The following SIGLEC11 variants were observed in gnomAD, a reference collection of about 807,000 sequenced individuals.
SIGLEC11 encodes sialic acid binding Ig like lectin 11.
Under a neutral mutation model 61.2 loss-of-function variants are expected in SIGLEC11, and 47 were observed. The ratio of observed to expected loss-of-function variants is 0.77; its 90% CI spans 0.61 to 0.98. The LOEUF (loss-of-function observed/expected upper bound fraction) is 0.98, where lower values mean the gene tolerates loss of function less well. Ranked by LOEUF, SIGLEC11 falls within the 50% of genes least tolerant of loss-of-function variation. The pLI, the probability that SIGLEC11 is intolerant of heterozygous loss-of-function variation, is 0.00. For missense variants in SIGLEC11, 610 were observed against 870.3 expected, an observed-to-expected ratio of 0.70 and a Z score of 3.76; for synonymous variants, 278 against 373.1, an observed-to-expected ratio of 0.75 and a Z score of 2.94.
At position 49,949,804 on chromosome 19, in the gene SIGLEC11, TGGACTCTGGCCTGGA is replaced by T. The variant is rs895252130; in HGVS notation, c.*151_*165del. The T allele has an allele frequency of 1.6e-4, 104 of 639,418 alleles. No homozygotes were observed. In the African/African-American group the frequency reaches 1.8e-3, roughly 11 times the overall value. 39.6% of individuals were successfully genotyped at this position (639,418 alleles called of 1,614,324 possible). ...CTACAGTGAGCTGAGATTGCACCACTGGACTCTGGCCTGGAGGACAGAGTCAGACCCTGTCTCAAA... is the reference window on the plus strand; with the variant it reads ...CTACAGTGAGCTGAGATTGCACCACTGGACAGAGTCAGACCCTGTCTCAAA... On this transcript the variant is annotated 3_prime_UTR_variant, in exon 11 of 11. Transcript: ENST00000447370.
intron 9 of SIGLEC11, 119 bp from the exon 10 acceptor site, chr19:49,952,091 C>T (rs1398414116): frequency 8.9e-7 from 1 of 1,123,936 alleles, no homozygotes; most frequent in East Asian, 2.6e-5. Flanking sequence ...GGGGACATAT[C>T]CACGGGGTGA....
chr19:49,952,460 A>T, intron 8 of SIGLEC11, 66 bp from the exon 9 acceptor site: 1 of 1,197,656 alleles, frequency 8.3e-7, no homozygotes, highest in Non-Finnish European at 1.2e-6. Context: ...CCTTCCTCCC[A>T]CAGACCTAGA....
intron 8 of SIGLEC11, among the ~76,000 whole-genome samples, chr19:49,953,553 TGAA>T (rs1329717289): frequency 6.6e-6 from 1 of 152,178 alleles, no homozygotes; most frequent in Non-Finnish European, 1.5e-5. Context: ...AGTGTGTAAA[TGAA>T]GAAGCCTTAT....
rs2076222219 is a variant in SIGLEC11, at chr19:49,959,087, A to T, written c.1058-10T>A. The T allele has an allele frequency of 6.2e-7, 1 of 1,613,702 alleles. No homozygotes were observed. On this transcript the variant is annotated splice_polypyrimidine_tract_variant and intron_variant, in intron 5 of 10. Transcript: ENST00000447370. ...AGGTTCTCTGGAGGATCTGAAATGGAGACAGGGGACCGGCTCTAGACAGAC... is the reference window on the plus strand; with the variant it reads ...AGGTTCTCTGGAGGATCTGAAATGGTGACAGGGGACCGGCTCTAGACAGAC...
rs866479726 is a variant in SIGLEC11 at position 49,951,696 on chromosome 19, G to A, written c.1830+195C>T. On this transcript the variant is annotated intron_variant, in intron 10 of 10. Coordinates refer to ENST00000447370, the MANE Select transcript of SIGLEC11 (RefSeq NM_052884.3). The surrounding 1 kb of genome is among the most constrained non-coding windows in gnomAD (Gnocchi z 4.6). ...TATGGACAGGCCTGGGGGGCCCTTG[G>A]TTCTGGGAGGGGATGTAGGGAGCAG... Among the ~76,000 whole-genome samples the A allele has an allele frequency of 1.7e-4, 26 of 152,102 alleles. No homozygotes were observed. The highest frequency in any genetic ancestry group is 5.8e-4 in the African/African-American group (24 of 41,404).
rs1032976622 is a variant in SIGLEC11 at position 49,955,189 on chromosome 19, C to T, written c.1652-2795G>A. On this transcript the variant is annotated intron_variant, in intron 8 of 10. Transcript: ENST00000447370. This position sits in a 1 kb window ranked among gnomAD's most constrained non-coding sequence, Gnocchi z 4.5. ...CATGAACCATGACCAGAGAACAAAA[C>T]GGGAAAGAGCGAAAGCAACAAGCGA... Among the ~76,000 whole-genome samples the T allele has an allele frequency of 2.0e-5, 3 of 151,522 alleles. No individual in the cohort carries two copies. Among genetic ancestry groups the T allele is most frequent in the African/African-American group, 7.3e-5 (3 of 41,168 alleles).
intron 8 of SIGLEC11, among the ~76,000 whole-genome samples, chr19:49,957,467 A>G (rs2076204905): frequency 6.6e-6 from 1 of 152,136 alleles, no homozygotes. Flanking sequence ...ACACTGTTTA[A>G]AAAGCCAAGG....
At chr19:49,957,159 A>C (rs2076202219) in intron 8 of SIGLEC11, among the ~76,000 whole-genome samples, 1 of 152,186 alleles carries the variant, frequency 6.6e-6, no homozygotes, top group Non-Finnish European at 1.5e-5. Context: ...TCAATCAACT[A>C]TAAAGGCAAT....
At chr19:49,952,100 G>T in intron 9 of SIGLEC11, 128 bp from the exon 10 acceptor site, 2 of 1,046,056 alleles carry the variant, frequency 1.9e-6, no homozygotes, top group African/African-American at 1.6e-5. Context: ...TCCACGGGGT[G>T]ACTTCCATAG....
At chr19:49,954,256 G>A (rs1046724816) in intron 8 of SIGLEC11, among the ~76,000 whole-genome samples, 12 of 152,166 alleles carry the variant, frequency 7.9e-5, no homozygotes, top group Non-Finnish European at 1.8e-4. Context: ...AGCTGCCAGA[G>A]GAAACAGAAA....
At chr19:49,957,889 G>T (rs2076209094) in intron 8 of SIGLEC11, among the ~76,000 whole-genome samples, 1 of 152,088 alleles carries the variant, frequency 6.6e-6, no homozygotes. Flanking sequence ...TACTCAGGTG[G>T]CTGAGGCAGG....
rs1200248798 is a variant in SIGLEC11, at chr19:49,949,492, A to G, written c.*478T>C. The G allele has an allele frequency of 2.0e-5, 3 of 152,078 alleles. No homozygotes were observed. Among genetic ancestry groups the G allele is most frequent in the Non-Finnish European group, 4.4e-5 (3 of 68,052 alleles). 9.4% of individuals were successfully genotyped at this position (152,078 alleles called of 1,614,324 possible). On this transcript the variant is annotated 3_prime_UTR_variant, in exon 11 of 11. Coordinates refer to ENST00000447370, the MANE Select transcript of SIGLEC11 (RefSeq NM_052884.3). ...CACATCCAGAGAAGCTTCTGTAGTA[A>G]TGAACCATAGACACGATGCCTCAAA...
At position 49,958,866 on chromosome 19, in the gene SIGLEC11, C is replaced by T. The variant is rs150811494; in HGVS notation, c.1140G>A (p.Pro380=). ...GGCGCAGGCTTTGGCCCTCCAGGAC[C>T]GGGAGGGATGTGCCGTTCCCGAGGT... ...LENLGNGTSL[P]VLEGQSLRLV... Residue 380 remains proline, a synonymous_variant, in exon 7 of 11, where the codon CCG becomes CCA. Transcript: ENST00000447370. 8.4e-5 allele frequency: 135 copies of T among 1,604,138 alleles called. No homozygotes were observed. Among genetic ancestry groups the T allele is most frequent in the African/African-American group, 7.2e-4 (54 of 74,686 alleles).
rs935670332 is a variant in SIGLEC11, at chr19:49,955,929, C to G, written c.1651+2354G>C. On this transcript the variant is annotated intron_variant, in intron 8 of 10. Transcript: ENST00000447370. This position sits in a 1 kb window ranked among gnomAD's most constrained non-coding sequence, Gnocchi z 4.5. ...CAGCCAGGGCAACAGAGCGAGACTC[C>G]GTCTCAAAAAAAAAAAAAAAAAGAA... is the stretch of plus-strand genomic sequence containing the variant. Among the ~76,000 whole-genome samples, 1 of 140,558 alleles carries G rather than the reference C, an allele frequency of 7.1e-6. No individual in the cohort carries two copies. The highest frequency in any genetic ancestry group is 1.5e-5 in the Non-Finnish European group (1 of 66,510). 92.2% of individuals were successfully genotyped at this position (140,558 alleles called of 152,430 possible).
rs959120164 is a variant in SIGLEC11, at chr19:49,961,067, C to T, written c.15G>A (p.Gln5=). The T allele has an allele frequency of 5.8e-5, 76 of 1,310,816 alleles. 1 individual carries two copies. Among genetic ancestry groups the T allele is most frequent in the Non-Finnish European group, 7.5e-5 (72 of 959,170 alleles). The allele number at this position is 1,310,816 out of a possible 1,614,324, so 81.2% of individuals were successfully genotyped here. The part of the protein sequence containing the change: MVPG[Q]AQPQSPEMLL... The stretch of plus-strand genomic sequence containing the variant: ...GCATCTCTGGGCTCTGGGGCTGGGC[C>T]TGTCCCGGGACCATCTGGCTTCTGG... The change falls in exon 1 of 11, where the codon CAG becomes CAA. Residue 5 remains glutamine, a synonymous_variant. Transcript: ENST00000447370.
chr19:49,958,933 C>T, intron 6 of SIGLEC11, 33 bp from the exon 7 acceptor site: 1 of 1,608,952 alleles, frequency 6.2e-7, no homozygotes, highest in Non-Finnish European at 8.5e-7. Flanking sequence ...CGACGTGCAG[C>T]TCAGGGCTCA....
chr19:49,958,774 C>A lies in SIGLEC11; in HGVS notation c.1232G>T (p.Gly411Val). The change falls in exon 7 of 11, where the codon GGC becomes GTC. Residue 411 changes from glycine to valine, a missense_variant. Around this residue, in one of 6 missense-constraint regions of SIGLEC11, gnomAD observed 432 missense variants for 441.5 expected, o/e 0.98. Coordinates refer to ENST00000447370, the MANE Select transcript of SIGLEC11 (RefSeq NM_052884.3). ...LSWTRWGQTV[G>V]PSQPSDPGVL... Reference sequence around the variant, plus strand: ...CCCGGGGTCTGAGGGCTGGGAGGGGCCCACGGTCTGTCCCCACCGGGTCCA... The same window carrying A: ...CCCGGGGTCTGAGGGCTGGGAGGGGACCACGGTCTGTCCCCACCGGGTCCA... 6.2e-7 allele frequency: 1 copy of A among 1,613,796 alleles called. No homozygotes were observed. The highest frequency in any genetic ancestry group is 8.5e-7 in the Non-Finnish European group (1 of 1,179,858).
Position 49,952,363 on chromosome 19 carries a change from C to G in SIGLEC11, c.1683G>C (p.Leu561=). 1 of 1,608,938 alleles carries G rather than the reference C, an allele frequency of 6.2e-7. No individual in the cohort carries two copies. Among genetic ancestry groups the G allele is most frequent in the Non-Finnish European group, 8.5e-7 (1 of 1,179,972 alleles). The part of the protein sequence containing the change: ...GKLEHGGGLG[L]GAALGAGVAA... ...CGACGCCAGCTCCCAGGGCAGCCCC[C>G]AGGCCAAGTCCTCCCCCATGCTCCA... The change falls in exon 9 of 11, where the codon CTG becomes CTC. Residue 561 remains leucine (L), a synonymous_variant. Coordinates refer to ENST00000447370, the MANE Select transcript of SIGLEC11 (RefSeq NM_052884.3).
rs756653043 is a variant in SIGLEC11, at chr19:49,960,676, C to G, written c.336G>C (p.Gly112=). 10 of 1,609,818 alleles carry G rather than the reference C, an allele frequency of 6.2e-6. No individual in the cohort carries two copies. The African/African-American group carries it at 1.4e-4, about 23-fold the overall frequency. ...CGTCTCTGATCACCAAGGAGCAGCT[C>G]CCTTTGCCGGGATCCCCAGTGAGCT... ...RFQLTGDPGK[G]SCSLVIRDAQ... is the part of the protein sequence containing the mutation. The change falls in exon 2 of 11, where the codon GGG becomes GGC. Residue 112 remains glycine, a synonymous_variant. Transcript: ENST00000447370.
Sources: allele counts gnomAD v4.1 joint callset (sites outside exome capture counted in the v4.1 genomes callset), GRCh38; gene constraint gnomAD v4.1.1; regional missense constraint gnomAD v4.1.1; non-coding constraint Gnocchi (gnomAD v3.1); transcripts MANE v1.5; gene names NCBI Gene and HGNC (gene_info 2026-07-23, HGNC 2026-07-21).